The following MIPOL1 variants were observed in gnomAD, a reference collection of about 807,000 sequenced individuals.
The protein encoded by MIPOL1 is mirror-image polydactyly gene 1 protein.
Under a neutral mutation model 60.9 loss-of-function variants are expected in MIPOL1, and 57 were observed. The ratio of observed to expected loss-of-function variants is 0.94; its 90% CI spans 0.76 to 1.17. The LOEUF is 1.17. MIPOL1 is among the 50% of genes most tolerant of loss of function. The pLI, the probability that MIPOL1 is intolerant of heterozygous loss-of-function variation, is 0.00. For missense variants in MIPOL1, 551 were observed against 511.6 expected (o/e 1.08, Z -0.74); for synonymous variants, 179 against 168.8 (o/e 1.06, Z -0.47).
At position 37,549,703 on chromosome 14, in the gene MIPOL1, T is replaced by G. The variant is rs1484661699; in HGVS notation, c.*2732T>G. Reference sequence around the variant, plus strand: ...TAATAATCAAAAGATTGTACACATTTTTTTCAATGAAGTACAATAATGTGA... The same window carrying G: ...TAATAATCAAAAGATTGTACACATTGTTTTCAATGAAGTACAATAATGTGA... On this transcript the variant is annotated 3_prime_UTR_variant, in exon 13 of 13. Coordinates refer to ENST00000684589, the MANE Select transcript of MIPOL1 (RefSeq NM_001388067.1). 1 of 151,954 alleles carries G rather than the reference T, an allele frequency of 6.6e-6. No individual in the cohort carries two copies. Among genetic ancestry groups the G allele is most frequent in the Non-Finnish European group, 1.5e-5 (1 of 67,844 alleles). 9.4% of individuals were successfully genotyped at this position (151,954 alleles called of 1,614,324 possible). A position where few individuals can be genotyped will look rare whatever the true frequency, so the allele number is the denominator to read the frequency against.
chr14:37,515,973 G>A (rs1384160427), intron 12 of MIPOL1, among the ~76,000 whole-genome samples: 1 of 152,218 alleles, frequency 6.6e-6, no homozygotes, highest in Non-Finnish European at 1.5e-5. Context: ...TAACACATGG[G>A]TGTAAGAGAG....
At chr14:37,368,687 T>C (rs1049963084) in intron 9 of MIPOL1, among the ~76,000 whole-genome samples, 1 of 152,058 alleles carries the variant, frequency 6.6e-6, no homozygotes. Flanking sequence ...CCATGTGTCT[T>C]CCTATTGTCC....
rs5807957 is a variant in MIPOL1 at position 37,550,544 on chromosome 14, TAA to T, written c.*3579_*3580del. On this transcript the variant is annotated 3_prime_UTR_variant, in exon 13 of 13. Transcript: ENST00000684589. ...CACACACACCGATACATTTACCTTT[TAA>T]AAAAATGATTTATAAGTGAACTGTT... is the stretch of plus-strand genomic sequence containing the variant. 4 of 150,954 alleles carry T rather than the reference TAA, an allele frequency of 2.6e-5. No homozygotes were observed. Among genetic ancestry groups the T allele is most frequent in the African/African-American group, 9.8e-5 (4 of 40,918 alleles). 9.4% of individuals were successfully genotyped at this position (150,954 alleles called of 1,614,324 possible).
intron 1 of MIPOL1, among the ~76,000 whole-genome samples, chr14:37,206,717 G>A (rs1326916569): frequency 1.3e-5 from 2 of 152,246 alleles, no homozygotes; most frequent in African/African-American, 4.8e-5. Context: ...CCAAGATGTA[G>A]GAACCCACCT....
intron 12 of MIPOL1, among the ~76,000 whole-genome samples, chr14:37,521,405 A>AAT (rs2095412311): frequency 6.6e-6 from 1 of 152,162 alleles, no homozygotes; most frequent in South Asian, 2.1e-4. Flanking sequence ...GCAGCTACAT[A>AAT]ATAGGTAATG....
chr14:37,357,408 C>G (rs2091923472), intron 9 of MIPOL1, among the ~76,000 whole-genome samples: 1 of 151,702 alleles, frequency 6.6e-6, no homozygotes, highest in Non-Finnish European at 1.5e-5. Flanking sequence ...CACATGCTCA[C>G]CAGCATTTGT....
intron 11 of MIPOL1, among the ~76,000 whole-genome samples, chr14:37,488,173 G>T (rs974359372): frequency 6.6e-6 from 1 of 152,140 alleles, no homozygotes; most frequent in Non-Finnish European, 1.5e-5. Context: ...TTTGATTGCA[G>T]TGTGGTTGGA....
At chr14:37,259,479 A>ATC (rs2082363161) in intron 3 of MIPOL1, among the ~76,000 whole-genome samples, 1 of 152,026 alleles carries the variant, frequency 6.6e-6, no homozygotes, top group Admixed American at 6.6e-5. Context: ...AAGCTAGAGG[A>ATC]TCGCCAGAGC....
Position 37,375,350 on chromosome 14 carries a change from G to A in MIPOL1, c.936+5726G>A, listed in dbSNP as rs560743211. 4.6e-5 allele frequency among the ~76,000 whole-genome samples: 7 copies of A among 152,054 alleles called. 1 individual carries two copies. Among genetic ancestry groups the A allele is most frequent in the South Asian group, 4.2e-4 (2 of 4,808 alleles). On this transcript the variant is annotated intron_variant, in intron 10 of 12. Transcript: ENST00000684589. ...CAGCCTCCCACATAACTGGAAGCAC[G>A]GCATGTGCCACCATGCCCTGCTGAT...
At position 37,505,068 on chromosome 14, in the gene MIPOL1, C is replaced by T. The variant is rs528872933; in HGVS notation, c.1262+4930C>T. On this transcript the variant is annotated intron_variant, in intron 12 of 12. Transcript: ENST00000684589. ...ACTAACCCAGGAGGAAGTTGATCCTCTAAATAGACCAATAACAGGCTCTGA... is the reference window on the plus strand; with the variant it reads ...ACTAACCCAGGAGGAAGTTGATCCTTTAAATAGACCAATAACAGGCTCTGA... The T allele has an allele frequency of 2.0e-5, 3 of 152,276 alleles. No homozygotes were observed. In the East Asian group the frequency reaches 5.8e-4, roughly 29 times the overall value. The allele number at this position is 152,276 out of a possible 1,614,324, so 9.4% of individuals were successfully genotyped here.
intron 7 of MIPOL1, among the ~76,000 whole-genome samples, chr14:37,304,263 A>G (rs543633910): frequency 1.3e-5 from 2 of 151,680 alleles, no homozygotes; most frequent in South Asian, 2.1e-4. Context: ...TATCTCTGTT[A>G]CAGTGTCTGC....
At chr14:37,285,166 A>G in intron 6 of MIPOL1, 152 bp from the exon 7 acceptor site, 1 of 801,844 alleles carries the variant, frequency 1.2e-6, no homozygotes, top group Admixed American at 3.3e-5. Flanking sequence ...CTATTATTAA[A>G]AATAATATTT....
At chr14:37,306,765 A>G (rs958240210) in intron 7 of MIPOL1, among the ~76,000 whole-genome samples, 5 of 151,854 alleles carry the variant, frequency 3.3e-5, no homozygotes, top group African/African-American at 1.2e-4. Flanking sequence ...AGAAGTGTTT[A>G]TCTTCACAAT....
chr14:37,247,968 G>A, intron 3 of MIPOL1, 61 bp downstream of exon 3: 3 of 1,568,132 alleles, frequency 1.9e-6, no homozygotes, highest in Non-Finnish European at 2.6e-6. Flanking sequence ...AAGGCACTGA[G>A]TGAAGTGTGT....
chr14:37,456,475 T>A (rs1398012275), intron 11 of MIPOL1, among the ~76,000 whole-genome samples: 4 of 152,074 alleles, frequency 2.6e-5, no homozygotes, highest in Non-Finnish European at 5.9e-5. Flanking sequence ...ATAAAGGAAA[T>A]ACAATTTTTA....
intron 10 of MIPOL1, among the ~76,000 whole-genome samples, chr14:37,389,399 T>C (rs549865455): frequency 6.6e-6 from 1 of 152,152 alleles, no homozygotes; most frequent in South Asian, 2.1e-4. Context: ...AGATAATATT[T>C]ATATACGTAA....
At chr14:37,363,092 C>G (rs1174051647) in intron 9 of MIPOL1, among the ~76,000 whole-genome samples, 1 of 152,100 alleles carries the variant, frequency 6.6e-6, no homozygotes, top group African/African-American at 2.4e-5. Flanking sequence ...TACTACTGAC[C>G]TTCTGAAGCC....
intron 9 of MIPOL1, among the ~76,000 whole-genome samples, chr14:37,349,638 A>C (rs1414417126): frequency 6.6e-6 from 1 of 152,062 alleles, no homozygotes; most frequent in African/African-American, 2.4e-5. Context: ...ATATCTTCTC[A>C]ATTATGTCTT....
intron 12 of MIPOL1, among the ~76,000 whole-genome samples, chr14:37,539,429 A>G (rs2095520967): frequency 6.6e-6 from 1 of 152,182 alleles, no homozygotes; most frequent in Admixed American, 6.5e-5. Context: ...CTAAGCCCAT[A>G]GTGAAACATG....
Sources: gnomAD v4.1 joint callset for allele counts (sites outside exome capture counted in the v4.1 genomes callset) on GRCh38, gnomAD v4.1.1 for gene constraint, MANE v1.5 for transcripts, NCBI Gene and HGNC (gene_info 2026-07-23, HGNC 2026-07-21) for gene names.